KITLG: variants seen among roughly 807,000 people sequenced by gnomAD.
KITLG encodes KIT ligand, also known as c-Kit ligand.
Under a neutral mutation model 34.1 loss-of-function variants are expected in KITLG, and 13 were observed. That is an observed-to-expected ratio of 0.38 (90% confidence interval 0.25 to 0.61). The LOEUF (loss-of-function observed/expected upper bound fraction) is 0.61. Ranked by LOEUF, KITLG falls within the 20% of genes least tolerant of loss-of-function variation. KITLG has a pLI of 0.60. For synonymous variants in KITLG, 110 were observed against 104.0 expected (o/e 1.06, Z -0.35); for missense variants, 292 against 318.9 (o/e 0.92, Z 0.64).
At chr12:88,569,723 T>C (rs1422254742) in intron 1 of KITLG, among the ~76,000 whole-genome samples, 1 of 152,208 alleles carries the variant, frequency 6.6e-6, no homozygotes, top group East Asian at 1.9e-4. Context: ...AGCACATCTC[T>C]GTTCTGTTGT....
intron 6 of KITLG, among the ~76,000 whole-genome samples, chr12:88,513,854 A>C (rs1869365371): frequency 6.6e-6 from 1 of 151,710 alleles, no homozygotes; most frequent in African/African-American, 2.4e-5. Flanking sequence ...ATAATTAATA[A>C]AAATTAGACA....
At chr12:88,579,383 A>G (rs185529506) in intron 1 of KITLG, among the ~76,000 whole-genome samples, 2 of 152,246 alleles carry the variant, frequency 1.3e-5, no homozygotes, top group East Asian at 1.9e-4. Context: ...GGAGGTAACA[A>G]TCAACAATGG....
intron 1 of KITLG, among the ~76,000 whole-genome samples, chr12:88,555,427 G>A (rs1452949998): frequency 1.3e-5 from 2 of 152,168 alleles, no homozygotes; most frequent in African/African-American, 2.4e-5. Context: ...ACTTTGCTAG[G>A]AAATTGCTGG....
chr12:88,574,159 A>G (rs1221698746), intron 1 of KITLG, among the ~76,000 whole-genome samples: 2 of 151,954 alleles, frequency 1.3e-5, no homozygotes, highest in Non-Finnish European at 2.9e-5. Context: ...ATTAGAGAAG[A>G]ACATTATCTT....
At chr12:88,538,771 A>G (rs181052137) in intron 2 of KITLG, among the ~76,000 whole-genome samples, 2 of 152,286 alleles carry the variant, frequency 1.3e-5, no homozygotes, top group Admixed American at 1.3e-4. Flanking sequence ...ATGGCAAAAA[A>G]AAATTAATTG....
intron 1 of KITLG, among the ~76,000 whole-genome samples, chr12:88,577,057 G>A (rs888433625): frequency 6.6e-6 from 1 of 152,014 alleles, no homozygotes; most frequent in African/African-American, 2.4e-5. Flanking sequence ...TTAAAGTCTT[G>A]GCAGAATGTA....
rs765388400 is a variant in KITLG, at chr12:88,507,036, A to ATAT, written c.705_706insATA (p.Leu235_Tyr236insIle). The ATAT allele has an allele frequency of 6.4e-7, 1 of 1,569,634 alleles. No individual in the cohort carries two copies. Among genetic ancestry groups the ATAT allele is most frequent in the South Asian group, 1.1e-5 (1 of 90,200 alleles). On this transcript the variant is annotated inframe_insertion, in exon 7 of 10. Coordinates refer to ENST00000644744, the MANE Select transcript of KITLG (RefSeq NM_000899.5). ...GGAATGGTACCACTTACCTTCCAGTATAAGGCTCCAAAAGCAAAGCCAATT... is the reference window on the plus strand; with the variant it reads ...GGAATGGTACCACTTACCTTCCAGTATATTAAGGCTCCAAAAGCAAAGCCAATT...
chr12:88,539,506 CT>C (rs1429460233), intron 2 of KITLG, among the ~76,000 whole-genome samples: 1 of 152,066 alleles, frequency 6.6e-6, no homozygotes, highest in Non-Finnish European at 1.5e-5. Flanking sequence ...CTTTTTGCTT[CT>C]TTGTTTCTCC....
At chr12:88,535,987 C>T (rs1449038012) in intron 2 of KITLG, among the ~76,000 whole-genome samples, 2 of 151,984 alleles carry the variant, frequency 1.3e-5, no homozygotes, top group African/African-American at 4.8e-5. Flanking sequence ...GGACATTGGC[C>T]TTGGGGAATA....
chr12:88,547,592 G>A lies in KITLG; in HGVS notation c.16-1727C>T, dbSNP rs555047601. On this transcript the variant is annotated intron_variant, in intron 1 of 9. Transcript: ENST00000644744. ...ACATGTGTAAATATAATTTATTAAA[G>A]TCAGCTTTCTTTTATATTGTCATTG... Among the ~76,000 whole-genome samples, 9 of 152,216 alleles carry A rather than the reference G, an allele frequency of 5.9e-5. No homozygotes were observed. In the East Asian group the frequency reaches 1.7e-3, roughly 29 times the overall value.
At chr12:88,521,745 CAT>C (rs1321312907) in intron 3 of KITLG, among the ~76,000 whole-genome samples, 8 of 152,076 alleles carry the variant, frequency 5.3e-5, no homozygotes, top group African/African-American at 1.9e-4. Context: ...AAAGAAGAAA[CAT>C]ATAGATTCTG....
intron 9 of KITLG, among the ~76,000 whole-genome samples, chr12:88,499,224 G>A (rs1299456108): frequency 3.9e-5 from 6 of 152,058 alleles, no homozygotes; most frequent in African/African-American, 1.4e-4. Context: ...GCTTTACAAT[G>A]TATCTACAGA....
chr12:88,547,023 G>A (rs1870743908), intron 1 of KITLG, among the ~76,000 whole-genome samples: 1 of 152,130 alleles, frequency 6.6e-6, no homozygotes, highest in African/African-American at 2.4e-5. Context: ...GGCTGACAAA[G>A]AAAAGATGAA....
At chr12:88,517,578 T>C (rs1209624421) in intron 4 of KITLG, among the ~76,000 whole-genome samples, 2 of 152,138 alleles carry the variant, frequency 1.3e-5, no homozygotes, top group African/African-American at 4.8e-5. Flanking sequence ...TTTAAGGCTC[T>C]AATGCACATG....
At chr12:88,570,512 A>T (rs1227952565) in intron 1 of KITLG, among the ~76,000 whole-genome samples, 1 of 142,746 alleles carries the variant, frequency 7.0e-6, no homozygotes, top group African/African-American at 2.5e-5. Context: ...CTCCACAAAT[A>T]AATTAGAAAA....
chr12:88,525,537 A>G (rs1420775219), intron 3 of KITLG, among the ~76,000 whole-genome samples: 1 of 152,018 alleles, frequency 6.6e-6, no homozygotes, highest in Admixed American at 6.6e-5. Context: ...GTAAAAAGAG[A>G]ACACAACAAC....
intron 2 of KITLG, among the ~76,000 whole-genome samples, chr12:88,541,647 T>C (rs752838443): frequency 3.9e-5 from 6 of 152,190 alleles, no homozygotes; most frequent in African/African-American, 7.2e-5. Flanking sequence ...ACCCTTTCTT[T>C]AGGTAAGTCT....
intron 1 of KITLG, among the ~76,000 whole-genome samples, chr12:88,546,244 C>T (rs1027675093): frequency 3.3e-5 from 5 of 152,160 alleles, no homozygotes; most frequent in African/African-American, 1.2e-4. Context: ...CTTATTTCTA[C>T]TTTAAATGTA....
chr12:88,560,521 TG>T (rs1457231907), intron 1 of KITLG, among the ~76,000 whole-genome samples: 1 of 152,208 alleles, frequency 6.6e-6, no homozygotes, highest in East Asian at 1.9e-4. Context: ...CCCCTGAGCT[TG>T]GATTTGGATC....
Sources: allele counts gnomAD v4.1 joint callset (sites outside exome capture counted in the v4.1 genomes callset), GRCh38; gene constraint gnomAD v4.1.1; transcripts MANE v1.5; gene names NCBI Gene and HGNC (gene_info 2026-07-23, HGNC 2026-07-21).